The following VAPB variants were observed in gnomAD, a reference collection of about 807,000 sequenced individuals.
VAPB encodes the protein VAMP associated protein B and C, also known as vesicle-associated membrane protein-associated protein B/C.
A neutral mutation model predicts 25.6 loss-of-function variants in VAPB; 7 were observed. The observed-to-expected ratio is 0.27, with a 90% confidence interval of 0.16 to 0.51. VAPB has a LOEUF of 0.51. Ranked by LOEUF, VAPB falls within the 20% of genes least tolerant of loss-of-function variation. The pLI is 0.97. For synonymous variants in VAPB, 112 were observed against 109.2 expected, an observed-to-expected ratio of 1.03 and a Z score of -0.16; for missense variants, 266 against 301.3, an observed-to-expected ratio of 0.88 and a Z score of 0.87.
intron 1 of VAPB, among the ~76,000 whole-genome samples, chr20:58,399,013 G>C (rs1363191325): frequency 6.6e-6 from 1 of 152,064 alleles, no homozygotes. Flanking sequence ...GAAAAATAAA[G>C]GAAAAGGCTG....
At chr20:58,399,088 G>A (rs543199538) in intron 1 of VAPB, among the ~76,000 whole-genome samples, 11 of 151,938 alleles carry the variant, frequency 7.2e-5, no homozygotes, top group Non-Finnish European at 1.5e-4. Context: ...ATCACCTGAG[G>A]TCAGGAGTTC....
At chr20:58,393,291 A>G (rs1987855064) in intron 1 of VAPB, among the ~76,000 whole-genome samples, 1 of 152,186 alleles carries the variant, frequency 6.6e-6, no homozygotes. Flanking sequence ...TCAGCCTTCC[A>G]AAGTGCTGGG....
chr20:58,438,544 G>T (rs1045812777), intron 3 of VAPB, among the ~76,000 whole-genome samples: 1 of 152,198 alleles, frequency 6.6e-6, no homozygotes, highest in South Asian at 2.1e-4. Context: ...CTCCCAAAGT[G>T]CTGGGATTAC....
intron 5 of VAPB, 109 bp downstream of exon 5, chr20:58,441,192 G>A: frequency 2.4e-6 from 3 of 1,271,030 alleles, no homozygotes; most frequent in Non-Finnish European, 2.2e-6. Flanking sequence ...TTTGCTTTTG[G>A]TATTTGGCTA....
At chr20:58,419,647 A>G (rs989576248) in intron 2 of VAPB, among the ~76,000 whole-genome samples, 2 of 152,194 alleles carry the variant, frequency 1.3e-5, no homozygotes, top group Non-Finnish European at 2.9e-5. Flanking sequence ...TCTGAAGCCC[A>G]TGCTCTTTGA....
At chr20:58,443,045 A>T (rs1274115416) in intron 5 of VAPB, among the ~76,000 whole-genome samples, 1 of 152,154 alleles carries the variant, frequency 6.6e-6, no homozygotes, top group African/African-American at 2.4e-5. Flanking sequence ...GAGCATGGAA[A>T]TGGCATCATA....
At chr20:58,426,667 T>C (rs1417762274) in intron 2 of VAPB, among the ~76,000 whole-genome samples, 1 of 152,172 alleles carries the variant, frequency 6.6e-6, no homozygotes, top group Non-Finnish European at 1.5e-5. Context: ...GTTACTCTTA[T>C]AGGAGGTTTT....
Position 58,445,759 on chromosome 20 carries a change from A to C in VAPB, c.*1524A>C, listed in dbSNP as rs1383591583. ...GTTGTCTTCAGCTGACAGTATGAAA[A>C]ATGAAACTGCTGAAAAAGCTGAGCA... is the stretch of plus-strand genomic sequence containing the variant. On this transcript the variant is annotated 3_prime_UTR_variant, in exon 6 of 6. Coordinates refer to ENST00000475243, the MANE Select transcript of VAPB (RefSeq NM_004738.5). 2.2e-6 allele frequency: 1 copy of C among 453,270 alleles called. No homozygotes were observed. The highest frequency in any genetic ancestry group is 4.4e-6 in the Non-Finnish European group (1 of 226,672). The allele number at this position is 453,270 out of a possible 1,614,324, so 28.1% of individuals were successfully genotyped here. A position where few individuals can be genotyped will look rare whatever the true frequency, so the allele number is the denominator to read the frequency against.
intron 1 of VAPB, among the ~76,000 whole-genome samples, chr20:58,412,635 T>C (rs892887638): frequency 1.3e-5 from 2 of 151,726 alleles, no homozygotes; most frequent in Non-Finnish European, 2.9e-5. Flanking sequence ...ATCTTGCCAT[T>C]TAGTAGATAG....
At chr20:58,391,479 T>A (rs556809004) in intron 1 of VAPB, among the ~76,000 whole-genome samples, 1 of 151,576 alleles carries the variant, frequency 6.6e-6, no homozygotes, top group Admixed American at 6.6e-5. Flanking sequence ...CAGAGGAAAT[T>A]GCATGCACAG....
rs1278194158 is a variant in VAPB at position 58,447,706 on chromosome 20, G to A, written c.*3471G>A. The A allele has an allele frequency of 1.8e-5, 8 of 453,544 alleles. No individual in the cohort carries two copies. Among genetic ancestry groups the A allele is most frequent in the Non-Finnish European group, 3.1e-5 (7 of 226,494 alleles). 28.1% of individuals were successfully genotyped at this position (453,544 alleles called of 1,614,324 possible). Reference sequence around the variant, plus strand: ...TGTGTGGCATATGTGCCGTATGTCAGTAGCTTGACAGTTTTCAAATCGTGC... The same window carrying A: ...TGTGTGGCATATGTGCCGTATGTCAATAGCTTGACAGTTTTCAAATCGTGC... On this transcript the variant is annotated 3_prime_UTR_variant, in exon 6 of 6. Coordinates refer to ENST00000475243, the MANE Select transcript of VAPB (RefSeq NM_004738.5).
chr20:58,428,805 A>G (rs1414327616), intron 2 of VAPB, among the ~76,000 whole-genome samples: 1 of 152,242 alleles, frequency 6.6e-6, no homozygotes, highest in Non-Finnish European at 1.5e-5. Context: ...ATTGAATTTG[A>G]CATGAGATGA....
In VAPB at chr20:58,448,201, C is replaced by CTCTA; in HGVS notation, c.*3967_*3970dup. On this transcript the variant is annotated 3_prime_UTR_variant, in exon 6 of 6. Coordinates refer to ENST00000475243, the MANE Select transcript of VAPB (RefSeq NM_004738.5). ...CCCTGCAAAGTATATAGATGGATGACTCTAGTTCATGACATACAAATCCCA... is the reference window on the plus strand; with the variant it reads ...CCCTGCAAAGTATATAGATGGATGACTCTATCTAGTTCATGACATACAAATCCCA... 1 of 454,028 alleles carries CTCTA rather than the reference C, an allele frequency of 2.2e-6. No homozygotes were observed. The highest frequency in any genetic ancestry group is 4.4e-6 in the Non-Finnish European group (1 of 226,778). The allele number at this position is 454,028 out of a possible 1,614,324, so 28.1% of individuals were successfully genotyped here. A position where few individuals can be genotyped will look rare whatever the true frequency, so the allele number is the denominator to read the frequency against.
intron 5 of VAPB, 89 bp downstream of exon 5, chr20:58,441,172 T>C: frequency 1.4e-6 from 2 of 1,415,640 alleles, no homozygotes; most frequent in Middle Eastern, 1.7e-4. Context: ...AGTGAATATA[T>C]AGATTTCTTT....
intron 4 of VAPB, chr20:58,440,590 T>C (rs917687061): frequency 4.6e-5 from 14 of 307,664 alleles, no homozygotes; most frequent in African/African-American, 2.9e-4. Context: ...TTCCTGAGCT[T>C]GCACAATTAC....
intron 2 of VAPB, among the ~76,000 whole-genome samples, chr20:58,419,441 T>C (rs1259951059): frequency 6.6e-6 from 1 of 152,180 alleles, no homozygotes; most frequent in African/African-American, 2.4e-5. Flanking sequence ...TATCTTGAAG[T>C]CAGGAGGGTC....
intron 3 of VAPB, among the ~76,000 whole-genome samples, chr20:58,437,195 G>A (rs1490772995): frequency 1.3e-5 from 2 of 151,116 alleles, no homozygotes; most frequent in Non-Finnish European, 2.9e-5. Flanking sequence ...TGAACTTCTG[G>A]GCTCAAGTGA....
chr20:58,414,272 G>A (rs1255636254), intron 1 of VAPB, among the ~76,000 whole-genome samples: 1 of 144,466 alleles, frequency 6.9e-6, no homozygotes. Context: ...GGGGCGTGGG[G>A]CTGACCCCCC....
At chr20:58,427,678 C>T (rs1600806470) in intron 2 of VAPB, among the ~76,000 whole-genome samples, 1 of 151,698 alleles carries the variant, frequency 6.6e-6, no homozygotes. Flanking sequence ...GATCTGTGAT[C>T]TGTTACCATT....
Sources: gnomAD v4.1 joint callset for allele counts (sites outside exome capture counted in the v4.1 genomes callset) on GRCh38, gnomAD v4.1.1 for gene constraint, MANE v1.5 for transcripts, NCBI Gene and HGNC (gene_info 2026-07-23, HGNC 2026-07-21) for gene names.